Variants in TTC7B observed in about 807,000 individuals in gnomAD.
The protein encoded by TTC7B is tetratricopeptide repeat domain 7B.
In TTC7B, 28 loss-of-function variants were observed where a neutral mutation model predicts 106.8. The observed-to-expected ratio is 0.26, with a 90% CI of 0.19 to 0.36. The LOEUF is 0.36. Among genes scored for constraint, TTC7B ranks in the 10% least tolerant of loss-of-function variants. The probability of loss-of-function intolerance (pLI) is 1.00; values close to 1 mark genes in which losing one functional copy is unlikely to be tolerated. For synonymous variants in TTC7B, 405 were observed against 430.6 expected (o/e 0.94, Z 0.74); for missense variants, 862 against 1,076.4 (o/e 0.80, Z 2.79).
At chr14:90,753,729 T>G (rs1407984205) in intron 3 of TTC7B, among the ~76,000 whole-genome samples, 1 of 152,206 alleles carries the variant, frequency 6.6e-6, no homozygotes. Flanking sequence ...CCCTTCTGAG[T>G]GCTTTCCTGA....
intron 5 of TTC7B, among the ~76,000 whole-genome samples, chr14:90,700,027 C>T (rs991404086): frequency 7.2e-5 from 11 of 152,156 alleles, no homozygotes; most frequent in Non-Finnish European, 1.6e-4. Flanking sequence ...TGAACCAAGA[C>T]AATGAGGGGA....
chr14:90,765,028 T>C (rs193140193), intron 3 of TTC7B, among the ~76,000 whole-genome samples: 5 of 152,336 alleles, frequency 3.3e-5, no homozygotes, highest in South Asian at 4.1e-4. Context: ...AGCAGCATTA[T>C]TAATAATAGT....
intron 3 of TTC7B, among the ~76,000 whole-genome samples, chr14:90,753,677 C>T (rs1410536806): frequency 6.6e-6 from 1 of 152,190 alleles, no homozygotes; most frequent in Non-Finnish European, 1.5e-5. Flanking sequence ...TCCAGAGCAT[C>T]TATGATTTAG....
intron 1 of TTC7B, among the ~76,000 whole-genome samples, chr14:90,790,629 C>A (rs1595375318): frequency 6.6e-6 from 1 of 152,214 alleles, no homozygotes; most frequent in African/African-American, 2.4e-5. Flanking sequence ...CACAGGGACC[C>A]TGCATCTGAA....
chr14:90,699,882 A>T (rs1017779860), intron 5 of TTC7B, among the ~76,000 whole-genome samples: 40 of 152,292 alleles, frequency 2.6e-4, no homozygotes, highest in African/African-American at 9.6e-4. Context: ...ACATCCCCAC[A>T]AAAATGTAAG....
chr14:90,629,738 C>T lies in TTC7B; in HGVS notation c.1752-11693G>A, dbSNP rs1169206165. ...AATAAACCTTCTGGATGCCATGACT[C>T]GCGGGGAGTGGCTTTGGTGTGGGCC... On this transcript the variant is annotated intron_variant, in intron 15 of 19. Transcript: ENST00000328459. 8.5e-5 allele frequency among the ~76,000 whole-genome samples: 13 copies of T among 152,190 alleles called. 1 individual carries two copies. The highest frequency in any genetic ancestry group is 6.5e-4 in the Admixed American group (10 of 15,280).
At chr14:90,738,549 G>A (rs761224402) in intron 4 of TTC7B, among the ~76,000 whole-genome samples, 1 of 152,044 alleles carries the variant, frequency 6.6e-6, no homozygotes, top group African/African-American at 2.4e-5. Context: ...GGAGGTTGCA[G>A]TGTGCCAAGA....
At chr14:90,738,016 T>A (rs1026160562) in intron 4 of TTC7B, among the ~76,000 whole-genome samples, 3 of 152,176 alleles carry the variant, frequency 2.0e-5, no homozygotes, top group African/African-American at 7.2e-5. Flanking sequence ...AATTAAATAT[T>A]GGTGATGGTT....
chr14:90,552,243 T>C (rs1409079373), intron 19 of TTC7B, among the ~76,000 whole-genome samples: 1 of 152,164 alleles, frequency 6.6e-6, no homozygotes, highest in Non-Finnish European at 1.5e-5. Context: ...ACTCAGCCCC[T>C]CACCGGGCCA....
At chr14:90,794,322 G>A (rs914418377) in intron 1 of TTC7B, among the ~76,000 whole-genome samples, 1 of 150,486 alleles carries the variant, frequency 6.6e-6, no homozygotes, top group Non-Finnish European at 1.5e-5. Flanking sequence ...CACCTCCCGG[G>A]TTCAAGTGAT....
At chr14:90,685,634 AT>A (rs1337655061) in intron 7 of TTC7B, among the ~76,000 whole-genome samples, 7 of 152,196 alleles carry the variant, frequency 4.6e-5, no homozygotes, top group Non-Finnish European at 1.0e-4. Context: ...AACGACTTAA[AT>A]TACTAAAATG....
At position 90,646,948 on chromosome 14, in the gene TTC7B, G is replaced by C. The variant is rs772900640; in HGVS notation, c.1590+3C>G. The C allele has an allele frequency of 6.2e-7, 1 of 1,613,554 alleles. No individual in the cohort carries two copies. The highest frequency in any genetic ancestry group is 1.3e-5 in the African/African-American group (1 of 75,034). ...AAGTATAGGAAACATTAGAGAAACTGACCTGTCTGGAGATGGCAAGCTGCA... is the reference window on the plus strand; with the variant it reads ...AAGTATAGGAAACATTAGAGAAACTCACCTGTCTGGAGATGGCAAGCTGCA... On this transcript the variant is annotated splice_donor_region_variant and intron_variant, in intron 14 of 19. Coordinates refer to ENST00000328459, the MANE Select transcript of TTC7B (RefSeq NM_001010854.2).
chr14:90,780,679 C>A lies in TTC7B; in HGVS notation c.445+59G>T, dbSNP rs200489214. The A allele has an allele frequency of 3.2e-6, 5 of 1,566,550 alleles. No individual in the cohort carries two copies. In the East Asian group the frequency reaches 1.1e-4, roughly 35 times the overall value. ...GGGCCAAGGGTCAAATAGGCAGCTC[C>A]GAAGAGGCGCTGCTGGCTCCAGGTC... On this transcript the variant is annotated intron_variant, in intron 3 of 19. Coordinates refer to ENST00000328459, the MANE Select transcript of TTC7B (RefSeq NM_001010854.2).
At chr14:90,659,614 C>T (rs573537181) in intron 9 of TTC7B, among the ~76,000 whole-genome samples, 6 of 151,922 alleles carry the variant, frequency 3.9e-5, no homozygotes, top group Non-Finnish European at 7.4e-5. Context: ...GAGAGGGACC[C>T]GAGAAGGGGC....
rs1892717234 is a variant in TTC7B, at chr14:90,608,020, T to C, written c.1966+2722A>G. The stretch of plus-strand genomic sequence containing the variant: ...ATTAGTTTTTAGCTTTTGAATTATG[T>C]AAATGTATTTCCTCTTCAAATCAAA... On this transcript the variant is annotated intron_variant, in intron 17 of 19. Transcript: ENST00000328459. This position sits in a 1 kb window ranked among gnomAD's most constrained non-coding sequence, Gnocchi z 5.1. Among the ~76,000 whole-genome samples the C allele has an allele frequency of 6.6e-6, 1 of 152,206 alleles. No individual in the cohort carries two copies. Among genetic ancestry groups the C allele is most frequent in the Non-Finnish European group, 1.5e-5 (1 of 68,050 alleles).
At chr14:90,548,205 A>T (rs945230371) in intron 19 of TTC7B, among the ~76,000 whole-genome samples, 1 of 152,310 alleles carries the variant, frequency 6.6e-6, no homozygotes, top group Admixed American at 6.5e-5. Context: ...CCCTCACCAC[A>T]TCACAGCCGG....
At chr14:90,572,807 C>G (rs1300154549) in intron 19 of TTC7B, among the ~76,000 whole-genome samples, 1 of 152,162 alleles carries the variant, frequency 6.6e-6, no homozygotes, top group Non-Finnish European at 1.5e-5. Context: ...TGTTTTTCCA[C>G]CAAGCAGCGC....
chr14:90,617,453 A>G (rs1170728366), intron 16 of TTC7B, among the ~76,000 whole-genome samples: 1 of 152,216 alleles, frequency 6.6e-6, no homozygotes, highest in Non-Finnish European at 1.5e-5. Context: ...AGTCGTATGC[A>G]TCATGATTTT....
At chr14:90,574,229 T>A (rs1891164586) in intron 19 of TTC7B, among the ~76,000 whole-genome samples, 1 of 152,244 alleles carries the variant, frequency 6.6e-6, no homozygotes, top group Admixed American at 6.5e-5. Flanking sequence ...CTTTTTAACA[T>A]AGCACACGAA....
Sources: allele counts gnomAD v4.1 joint callset (sites outside exome capture counted in the v4.1 genomes callset), GRCh38; gene constraint gnomAD v4.1.1; non-coding constraint Gnocchi (gnomAD v3.1); transcripts MANE v1.5; gene names NCBI Gene and HGNC (gene_info 2026-07-23, HGNC 2026-07-21).